Variants in ADAM12 observed in about 807,000 individuals in gnomAD.
The protein encoded by ADAM12 is ADAM metallopeptidase domain 12, also known as disintegrin and metalloproteinase domain-containing protein 12.
ADAM12 carries 70 observed loss-of-function variants against 106.4 expected under a neutral mutation model. That is an observed-to-expected ratio of 0.66 (90% CI 0.54 to 0.80). The LOEUF (loss-of-function observed/expected upper bound fraction) is 0.80. ADAM12 is among the 30% of genes least tolerant of loss of function. ADAM12 has a pLI of 0.00. For missense variants in ADAM12, 1,010 were observed against 1,171.9 expected (o/e 0.86, Z 2.02); for synonymous variants, 420 against 433.5 (o/e 0.97, Z 0.39).
chr10:126,359,870 G>T (rs1281053301), intron 1 of ADAM12, among the ~76,000 whole-genome samples: 1 of 152,220 alleles, frequency 6.6e-6, no homozygotes, highest in East Asian at 1.9e-4. Flanking sequence ...CCCTAGCAGA[G>T]ATTCTCCATG....
At chr10:126,137,783 G>C (rs901174857) in intron 4 of ADAM12, among the ~76,000 whole-genome samples, 1 of 152,216 alleles carries the variant, frequency 6.6e-6, no homozygotes, top group Non-Finnish European at 1.5e-5. Context: ...GCTTATCCAA[G>C]TGTTGAGCAC....
chr10:126,038,874 T>TATG (rs1954104856), intron 19 of ADAM12, among the ~76,000 whole-genome samples: 1 of 151,528 alleles, frequency 6.6e-6, no homozygotes, highest in Admixed American at 6.6e-5. Flanking sequence ...GTCCCAGGTT[T>TATG]ATGATCCAGA....
rs566403975 is a variant in ADAM12 at position 126,040,701 on chromosome 10, GTTAA to G, written c.2105-1276_2105-1273del. 4.1e-4 allele frequency among the ~76,000 whole-genome samples: 62 copies of G among 152,240 alleles called. 2 individuals are homozygous for G. Among genetic ancestry groups the G allele is most frequent in the Middle Eastern group, 6.8e-3 (2 of 294 alleles). ...TAGAGTTCTGGTGTCTCATAACAAA[GTTAA>G]TTAAAGTTAATTTAAAAAGTGAACA... On this transcript the variant is annotated intron_variant, in intron 18 of 22. Transcript: ENST00000448723.
intron 4 of ADAM12, among the ~76,000 whole-genome samples, chr10:126,136,118 G>A (rs1590475787): frequency 6.6e-6 from 1 of 152,204 alleles, no homozygotes; most frequent in East Asian, 1.9e-4. Context: ...GGAAGTGGGG[G>A]TGAAGAAGGA....
intron 3 of ADAM12, among the ~76,000 whole-genome samples, chr10:126,268,567 C>T (rs550222927): frequency 7.2e-5 from 11 of 152,282 alleles, no homozygotes; most frequent in South Asian, 2.1e-4. Flanking sequence ...AATACAGTTA[C>T]GTTGCAGCTC....
intron 3 of ADAM12, among the ~76,000 whole-genome samples, chr10:126,259,560 T>G (rs557463694): frequency 1.3e-5 from 2 of 152,184 alleles, no homozygotes; most frequent in Non-Finnish European, 2.9e-5. Flanking sequence ...AGCAAAATAT[T>G]TTACTATGGG....
At chr10:126,264,626 T>C (rs1310882234) in intron 3 of ADAM12, among the ~76,000 whole-genome samples, 37 of 152,236 alleles carry the variant, frequency 2.4e-4, no homozygotes. Flanking sequence ...CCTGAAGAAG[T>C]AGGGTTAGCC....
intron 3 of ADAM12, among the ~76,000 whole-genome samples, chr10:126,163,982 CA>C (rs1956981437): frequency 6.6e-6 from 1 of 152,108 alleles, no homozygotes; most frequent in African/African-American, 2.4e-5. Flanking sequence ...ACTGATCATA[CA>C]GGGGGTATGG....
In ADAM12 at chr10:126,234,832, C is replaced by T. The variant is rs532950792; in HGVS notation, c.260+44083G>A. ...ACACCAGGCAATAACCAAGGAAAGC[C>T]CAACTGCTACCAGTGATGGCTGAGG... On this transcript the variant is annotated intron_variant, in intron 3 of 22. Transcript: ENST00000448723. Among the ~76,000 whole-genome samples, 30 of 152,318 alleles carry T rather than the reference C, an allele frequency of 2.0e-4. No individual in the cohort carries two copies. The South Asian group carries it at 5.6e-3, about 28-fold the overall frequency.
At position 126,311,772 on chromosome 10, in the gene ADAM12, C is replaced by T. The variant is rs1019242262; in HGVS notation, c.186+18640G>A. Among the ~76,000 whole-genome samples the T allele has an allele frequency of 3.9e-5, 6 of 152,182 alleles. No individual in the cohort carries two copies. In the East Asian group the frequency reaches 7.7e-4, roughly 20 times the overall value. On this transcript the variant is annotated intron_variant, in intron 2 of 22. Coordinates refer to ENST00000448723, the MANE Select transcript of ADAM12 (RefSeq NM_001288973.2). ...AACTCCACGGGGACAGCAGCTCCCA[C>T]GCTCAGGACCCTCTAGACCCTGCTC...
At chr10:126,116,881 T>C (rs1439029002) in intron 6 of ADAM12, among the ~76,000 whole-genome samples, 1 of 152,114 alleles carries the variant, frequency 6.6e-6, no homozygotes, top group Non-Finnish European at 1.5e-5. Flanking sequence ...CCCTACTGTT[T>C]CCAACTAGAA....
At chr10:126,082,235 T>C (rs547962263) in intron 11 of ADAM12, among the ~76,000 whole-genome samples, 1 of 152,244 alleles carries the variant, frequency 6.6e-6, no homozygotes, top group South Asian at 2.1e-4. Flanking sequence ...ATAAAGCTCA[T>C]GTCACATGAG....
chr10:126,329,354 T>A (rs1333725840), intron 2 of ADAM12, among the ~76,000 whole-genome samples: 4 of 152,308 alleles, frequency 2.6e-5, no homozygotes, highest in African/African-American at 9.6e-5. Context: ...ATATTTTAAA[T>A]CAACTTCTTT....
intron 3 of ADAM12, among the ~76,000 whole-genome samples, chr10:126,242,473 T>C (rs917207393): frequency 8.5e-5 from 13 of 152,278 alleles, no homozygotes; most frequent in Non-Finnish European, 1.3e-4. Context: ...ATTAAGAACA[T>C]GTAAGCAATT....
Position 126,064,992 on chromosome 10 carries a change from C to A in ADAM12, c.1423G>T (p.Ala475Ser). The A allele has an allele frequency of 6.2e-7, 1 of 1,609,784 alleles. No individual in the cohort carries two copies. The highest frequency in any genetic ancestry group is 8.5e-7 in the Non-Finnish European group (1 of 1,178,152). Residue 475 changes from alanine to serine, a missense_variant, in exon 14 of 23, where the codon GCA becomes TCA. Around this residue, in one of 3 missense-constraint regions of ADAM12, gnomAD observed 615 missense variants for 708.5 expected, o/e 0.87. Coordinates refer to ENST00000448723, the MANE Select transcript of ADAM12 (RefSeq NM_001288973.2). This position sits in a 1 kb window ranked among gnomAD's most constrained non-coding sequence, Gnocchi z 4.4. ...LCCEDCQLKP[A>S]GTACRDSSNS... ...CTGGAGTCCCTGCACGCTGTTCCTG[C>A]AGGCTTCAGCTGGAAGGAGAGGGCC...
At chr10:126,146,872 T>C (rs1956637550) in intron 4 of ADAM12, among the ~76,000 whole-genome samples, 1 of 152,238 alleles carries the variant, frequency 6.6e-6, no homozygotes, top group South Asian at 2.1e-4. Flanking sequence ...ACTTATGAGA[T>C]GTGCGTGATC....
chr10:126,089,311 T>A (rs1011940334), intron 11 of ADAM12, among the ~76,000 whole-genome samples: 13 of 152,140 alleles, frequency 8.5e-5, no homozygotes, highest in African/African-American at 3.1e-4. Context: ...TTACATCAAG[T>A]GTACAAGGCT....
At chr10:126,112,214 G>A (rs1955882273) in intron 6 of ADAM12, among the ~76,000 whole-genome samples, 1 of 151,982 alleles carries the variant, frequency 6.6e-6, no homozygotes, top group African/African-American at 2.4e-5. Flanking sequence ...CACACACCAG[G>A]GCCTGTTGAG....
At chr10:126,169,337 T>C (rs1366106691) in intron 3 of ADAM12, among the ~76,000 whole-genome samples, 2 of 152,228 alleles carry the variant, frequency 1.3e-5, no homozygotes, top group Admixed American at 6.5e-5. Flanking sequence ...CCCTGTTCCT[T>C]GAGCACATAG....
Sources: allele counts gnomAD v4.1 joint callset (sites outside exome capture counted in the v4.1 genomes callset), GRCh38; gene constraint gnomAD v4.1.1; regional missense constraint gnomAD v4.1.1; non-coding constraint Gnocchi (gnomAD v3.1); transcripts MANE v1.5; gene names NCBI Gene and HGNC (gene_info 2026-07-23, HGNC 2026-07-21).